The following ANAPC10 variants were observed in gnomAD, a reference collection of about 807,000 sequenced individuals.
ANAPC10 encodes the protein anaphase promoting complex subunit 10.
ANAPC10 carries 12 observed loss-of-function variants against 22.0 expected under a neutral mutation model. That is an observed-to-expected ratio of 0.55 (90% CI 0.35 to 0.88). The LOEUF (loss-of-function observed/expected upper bound fraction) is 0.88. Ranked by LOEUF, ANAPC10 falls within the 40% of genes least tolerant of loss-of-function variation. The probability of loss-of-function intolerance (pLI) is 0.01; values close to 1 mark genes in which losing one functional copy is unlikely to be tolerated. For synonymous variants in ANAPC10, 65 were observed against 69.5 expected, an observed-to-expected ratio of 0.94 and a Z score of 0.32; for missense variants, 188 against 220.9, an observed-to-expected ratio of 0.85 and a Z score of 0.94.
At chr4:145,091,940 C>G (rs1254187967) in intron 2 of ANAPC10, among the ~76,000 whole-genome samples, 1 of 152,030 alleles carries the variant, frequency 6.6e-6, no homozygotes. Context: ...TAGGAGGGGC[C>G]AAAATGCTGA....
intron 4 of ANAPC10, among the ~76,000 whole-genome samples, chr4:145,055,929 T>C (rs1276277845): frequency 1.3e-5 from 2 of 152,214 alleles, no homozygotes; most frequent in Non-Finnish European, 2.9e-5. Context: ...TTTTTTGCAA[T>C]TAAAAAAGTT....
chr4:145,009,089 C>T (rs570950732), intron 4 of ANAPC10, among the ~76,000 whole-genome samples: 30 of 152,086 alleles, frequency 2.0e-4, no homozygotes, highest in African/African-American at 7.0e-4. Context: ...TTCACAACTG[C>T]TACAAAGAAA....
intron 3 of ANAPC10, among the ~76,000 whole-genome samples, chr4:145,071,468 TA>T (rs536617792): frequency 5.9e-5 from 9 of 151,786 alleles, no homozygotes; most frequent in African/African-American, 1.2e-4. Flanking sequence ...TCACTACAAA[TA>T]AAAAAAATCT....
intron 4 of ANAPC10, among the ~76,000 whole-genome samples, chr4:145,009,096 G>C (rs1312649116): frequency 6.6e-6 from 1 of 151,966 alleles, no homozygotes; most frequent in Non-Finnish European, 1.5e-5. Context: ...CTGCTACAAA[G>C]AAAATAAAAT....
chr4:145,023,665 A>G (rs371367523), intron 4 of ANAPC10, among the ~76,000 whole-genome samples: 2 of 152,292 alleles, frequency 1.3e-5, no homozygotes, highest in South Asian at 2.1e-4. Context: ...CTAAGAAAAC[A>G]ATTTAAGAAT....
At chr4:144,998,084 G>A (rs980766190) in intron 4 of ANAPC10, among the ~76,000 whole-genome samples, 1 of 152,124 alleles carries the variant, frequency 6.6e-6, no homozygotes, top group African/African-American at 2.4e-5. Context: ...CATAAAGCAA[G>A]TCCTTAGAGA....
At chr4:145,022,535 C>T (rs1357099087) in intron 4 of ANAPC10, among the ~76,000 whole-genome samples, 2 of 151,844 alleles carry the variant, frequency 1.3e-5, no homozygotes, top group Non-Finnish European at 2.9e-5. Flanking sequence ...GTGAGGAATA[C>T]AATACTACAA....
chr4:145,076,028 T>G (rs1745147901), intron 3 of ANAPC10, among the ~76,000 whole-genome samples: 1 of 152,172 alleles, frequency 6.6e-6, no homozygotes, highest in Admixed American at 6.5e-5. Flanking sequence ...CATGTCTGAT[T>G]GCAGCACAGC....
intron 4 of ANAPC10, among the ~76,000 whole-genome samples, chr4:145,005,614 T>C (rs946347832): frequency 1.3e-5 from 2 of 152,208 alleles, no homozygotes; most frequent in Non-Finnish European, 2.9e-5. Flanking sequence ...TAAACTTCCA[T>C]CTTAATATTG....
At chr4:145,078,431 T>A (rs1553985861) in intron 3 of ANAPC10, among the ~76,000 whole-genome samples, 1 of 151,042 alleles carries the variant, frequency 6.6e-6, no homozygotes, top group Non-Finnish European at 1.5e-5. Flanking sequence ...CAATATTGTT[T>A]AAAAAAAAAT....
At chr4:145,016,261 C>G (rs1053783091) in intron 4 of ANAPC10, among the ~76,000 whole-genome samples, 10 of 152,210 alleles carry the variant, frequency 6.6e-5, no homozygotes, top group Non-Finnish European at 1.5e-4. Context: ...TAATAAGCAA[C>G]TTCAGCAGAG....
intron 4 of ANAPC10, among the ~76,000 whole-genome samples, chr4:144,998,783 G>A (rs1348383406): frequency 2.6e-5 from 4 of 152,124 alleles, no homozygotes; most frequent in Non-Finnish European, 5.9e-5. Flanking sequence ...AGGACTGAAG[G>A]AGATAGAGAC....
At chr4:145,024,653 A>G (rs1349255344) in intron 4 of ANAPC10, among the ~76,000 whole-genome samples, 1 of 152,202 alleles carries the variant, frequency 6.6e-6, no homozygotes, top group Non-Finnish European at 1.5e-5. Context: ...CATGCTTTCA[A>G]CAGATGTACT....
chr4:145,019,829 A>G (rs1414671574), intron 4 of ANAPC10, among the ~76,000 whole-genome samples: 5 of 152,178 alleles, frequency 3.3e-5, no homozygotes, highest in Non-Finnish European at 5.9e-5. Flanking sequence ...TAAACTTGAA[A>G]ACCTAGAAGA....
chr4:145,027,553 G>A (rs979320804), intron 4 of ANAPC10, among the ~76,000 whole-genome samples: 1 of 152,100 alleles, frequency 6.6e-6, no homozygotes, highest in Non-Finnish European at 1.5e-5. Flanking sequence ...AAACACATAT[G>A]CAATAAGGCA....
At chr4:145,029,352 AC>A (rs1317905646) in intron 4 of ANAPC10, among the ~76,000 whole-genome samples, 1 of 152,086 alleles carries the variant, frequency 6.6e-6, no homozygotes, top group Non-Finnish European at 1.5e-5. Context: ...CTCAGGAGCC[AC>A]CCCCGACACC....
Position 144,995,130 on chromosome 4 carries a change from G to A in ANAPC10, c.*243C>T, listed in dbSNP as rs1055385328. ...GGAACTCTTTTCTTTTGATACAAGGGAAAATAAAATGATTGGCTTCAAATC... is the reference window on the plus strand; with the variant it reads ...GGAACTCTTTTCTTTTGATACAAGGAAAAATAAAATGATTGGCTTCAAATC... On this transcript the variant is annotated 3_prime_UTR_variant, in exon 5 of 5. Transcript: ENST00000507656. 4 of 274,984 alleles carry A rather than the reference G, an allele frequency of 1.5e-5. No homozygotes were observed. The highest frequency in any genetic ancestry group is 2.7e-5 in the Non-Finnish European group (4 of 147,494). The allele number at this position is 274,984 out of a possible 1,614,324, so 17.0% of individuals were successfully genotyped here. A position where few individuals can be genotyped will look rare whatever the true frequency, so the allele number is the denominator to read the frequency against.
intron 4 of ANAPC10, among the ~76,000 whole-genome samples, chr4:145,041,308 ATTAC>A (rs752288152): frequency 6.6e-6 from 1 of 152,254 alleles, no homozygotes. Flanking sequence ...AACTAACTCT[ATTAC>A]TTACAGCTTA....
At chr4:145,069,386 T>A (rs1191864922) in intron 3 of ANAPC10, among the ~76,000 whole-genome samples, 1 of 152,184 alleles carries the variant, frequency 6.6e-6, no homozygotes. Context: ...TCCCCTTCAT[T>A]CTATGCCTGA....
Sources: allele counts gnomAD v4.1 joint callset (sites outside exome capture counted in the v4.1 genomes callset), GRCh38; gene constraint gnomAD v4.1.1; transcripts MANE v1.5; gene names NCBI Gene and HGNC (gene_info 2026-07-23, HGNC 2026-07-21).